Variants in PKHD1 observed in about 807,000 individuals in gnomAD.
PKHD1 encodes fibrocystin.
Under a neutral mutation model 412.0 loss-of-function variants are expected in PKHD1, and 291 were observed. That is an observed-to-expected ratio of 0.71 (90% CI 0.64 to 0.78). The LOEUF (loss-of-function observed/expected upper bound fraction) is 0.78, where lower values mean the gene tolerates loss of function less well. PKHD1 is among the 30% of genes least tolerant of loss of function. The pLI, the probability that PKHD1 is intolerant of heterozygous loss-of-function variation, is 0.00. For missense variants in PKHD1, 4,825 were observed against 4,950.7 expected, an observed-to-expected ratio of 0.97 and a Z score of 0.76; for synonymous variants, 1,777 against 1,821.5, an observed-to-expected ratio of 0.98 and a Z score of 0.62.
intron 36 of PKHD1, among the ~76,000 whole-genome samples, chr6:51,956,515 T>C (rs1165425616): frequency 6.6e-6 from 1 of 152,084 alleles, no homozygotes; most frequent in African/African-American, 2.4e-5. Context: ...TTCTAGACCC[T>C]GAAGAGACAA....
At chr6:51,792,906 T>C (rs916786081) in intron 52 of PKHD1, among the ~76,000 whole-genome samples, 2 of 152,240 alleles carry the variant, frequency 1.3e-5, no homozygotes, top group African/African-American at 4.8e-5. Context: ...ATTCAAATTA[T>C]ATACATACAT....
chr6:51,855,863 G>C (rs1416071650), intron 49 of PKHD1, 30 bp downstream of exon 49: 3 of 1,528,324 alleles, frequency 2.0e-6, no homozygotes, highest in Non-Finnish European at 2.7e-6. Flanking sequence ...TGAGAATGCA[G>C]CATACCAACT....
chr6:51,852,878 G>A (rs1772564569), intron 49 of PKHD1, among the ~76,000 whole-genome samples: 1 of 152,066 alleles, frequency 6.6e-6, no homozygotes, highest in Non-Finnish European at 1.5e-5. Context: ...GCCAATCTGT[G>A]TCTTTTAATT....
intron 45 of PKHD1, 152 bp downstream of exon 45, chr6:51,885,715 G>C: frequency 1.4e-6 from 1 of 693,554 alleles, no homozygotes; most frequent in Non-Finnish European, 2.6e-6. Context: ...TGATCCATTG[G>C]TGCTTTAAAA....
intron 36 of PKHD1, among the ~76,000 whole-genome samples, chr6:51,951,866 T>G (rs1037998989): frequency 6.6e-6 from 1 of 152,188 alleles, no homozygotes; most frequent in Non-Finnish European, 1.5e-5. Flanking sequence ...ATAAGCCATA[T>G]TAAGTTTGGA....
chr6:51,697,179 C>CAAATAAATAAAT lies in PKHD1; in HGVS notation c.10157-37222_10157-37211dup, dbSNP rs61327011. On this transcript the variant is annotated intron_variant, in intron 60 of 66. Coordinates refer to ENST00000371117, the MANE Select transcript of PKHD1 (RefSeq NM_138694.4). The stretch of plus-strand genomic sequence containing the variant: ...TGGGCAACAGAGTGAGACTCCGTCT[C>CAAATAAATAAAT]AAATAAATAAATAAATAAATAAATA... Among the ~76,000 whole-genome samples, 429 of 150,772 alleles carry CAAATAAATAAAT rather than the reference C, an allele frequency of 2.8e-3. 3 individuals carry two copies. Among genetic ancestry groups the CAAATAAATAAAT allele is most frequent in the African/African-American group, 9.3e-3 (379 of 40,830 alleles).
rs141838413 is a variant in PKHD1 at position 51,960,191 on chromosome 6, T to G, written c.5752-165A>C. On this transcript the variant is annotated intron_variant, in intron 35 of 66. Transcript: ENST00000371117. ...AGAAACTTCTCAAAGAAAGTAAAATTAATTTAAATATTTTAAATGTCTCCA... is the reference window on the plus strand; with the variant it reads ...AGAAACTTCTCAAAGAAAGTAAAATGAATTTAAATATTTTAAATGTCTCCA... 2.6e-3 allele frequency among the ~76,000 whole-genome samples: 400 copies of G among 152,244 alleles called. 5 individuals carry two copies. In the East Asian group the frequency reaches 0.031, roughly 12 times the overall value.
intron 52 of PKHD1, among the ~76,000 whole-genome samples, chr6:51,809,547 T>C (rs1419941704): frequency 1.3e-5 from 2 of 152,100 alleles, no homozygotes; most frequent in Non-Finnish European, 2.9e-5. Flanking sequence ...TCTCACGTTC[T>C]AATTTTTTTT....
intron 21 of PKHD1, among the ~76,000 whole-genome samples, chr6:52,050,543 A>G (rs557164978): frequency 1.3e-5 from 2 of 152,358 alleles, no homozygotes; most frequent in African/African-American, 2.4e-5. Flanking sequence ...GAAAAGTTCA[A>G]TAACCCCACA....
At chr6:51,969,542 C>T (rs1037123500) in intron 35 of PKHD1, among the ~76,000 whole-genome samples, 1 of 152,098 alleles carries the variant, frequency 6.6e-6, no homozygotes, top group Non-Finnish European at 1.5e-5. Flanking sequence ...AATTTCTTGT[C>T]CCACCTTCTT....
chr6:52,003,604 T>C (rs978886097), intron 35 of PKHD1, among the ~76,000 whole-genome samples: 12 of 152,176 alleles, frequency 7.9e-5, no homozygotes, highest in Non-Finnish European at 1.3e-4. Flanking sequence ...TTTATTGCGG[T>C]ATGTTTTGAT....
At chr6:51,807,453 A>AT (rs1763960175) in intron 52 of PKHD1, among the ~76,000 whole-genome samples, 4 of 42,852 alleles carry the variant, frequency 9.3e-5, no homozygotes, top group African/African-American at 2.8e-4. Context: ...AAAAAAAAAA[A>AT]AAAAAATATA....
chr6:52,030,174 A>C (rs1015730738), intron 29 of PKHD1, among the ~76,000 whole-genome samples: 1 of 152,238 alleles, frequency 6.6e-6, no homozygotes, highest in Non-Finnish European at 1.5e-5. Flanking sequence ...GTTGCTTGAA[A>C]GAGAAAAGTC....
At chr6:52,031,838 A>G (rs1418452619) in intron 29 of PKHD1, among the ~76,000 whole-genome samples, 2 of 152,236 alleles carry the variant, frequency 1.3e-5, no homozygotes, top group African/African-American at 4.8e-5. Context: ...ATACAAGTAT[A>G]AATTTTGAAA....
At chr6:51,624,052 T>C (rs567133989) in intron 66 of PKHD1, among the ~76,000 whole-genome samples, 7 of 152,322 alleles carry the variant, frequency 4.6e-5, no homozygotes, top group Admixed American at 4.6e-4. Flanking sequence ...GAACTCTTTA[T>C]TCTTTTTTAA....
intron 36 of PKHD1, among the ~76,000 whole-genome samples, chr6:51,950,220 A>ATATATATATATATATATATAT (rs1554156415): frequency 1.0e-4 from 10 of 98,302 alleles, no homozygotes; most frequent in South Asian, 4.1e-4. Flanking sequence ...GAAAAAAAAA[A>ATATATATATATATATATATAT]ATATATATAT....
At chr6:51,714,267 G>A (rs531970767) in intron 60 of PKHD1, among the ~76,000 whole-genome samples, 1 of 152,300 alleles carries the variant, frequency 6.6e-6, no homozygotes, top group African/African-American at 2.4e-5. Flanking sequence ...CTACTCGGGA[G>A]GCTGAGGCAG....
chr6:51,633,239 C>G (rs1768138646), intron 64 of PKHD1, among the ~76,000 whole-genome samples: 1 of 152,090 alleles, frequency 6.6e-6, no homozygotes. Flanking sequence ...AACTGCCGGC[C>G]ATGAATGATG....
chr6:52,007,969 G>A (rs1212261926), intron 35 of PKHD1, among the ~76,000 whole-genome samples: 1 of 152,114 alleles, frequency 6.6e-6, no homozygotes, highest in Non-Finnish European at 1.5e-5. Context: ...CCCTGCCATT[G>A]TTCCCTCGTG....
Sources: allele counts gnomAD v4.1 joint callset (sites outside exome capture counted in the v4.1 genomes callset), GRCh38; gene constraint gnomAD v4.1.1; transcripts MANE v1.5; gene names NCBI Gene and HGNC (gene_info 2026-07-23, HGNC 2026-07-21).